Variants in BCL9 observed in about 807,000 individuals in gnomAD.
BCL9 encodes B-cell CLL/lymphoma 9 protein.
A neutral mutation model predicts 88.5 loss-of-function variants in BCL9; 25 were observed. The observed-to-expected ratio is 0.28, with a 90% CI of 0.21 to 0.39. BCL9 has a LOEUF of 0.39. Ranked by LOEUF, BCL9 falls within the 10% of genes least tolerant of loss-of-function variation. The pLI is 1.00. For missense variants in BCL9, 1,817 were observed against 1,877.8 expected, an observed-to-expected ratio of 0.97 and a Z score of 0.60; for synonymous variants, 711 against 673.3, an observed-to-expected ratio of 1.06 and a Z score of -0.87.
Position 147,560,859 on chromosome 1 carries a change from A to T in BCL9, c.-478+19185A>T, listed in dbSNP as rs148971293. ...TAATTAATAATAGATGGTTTACAAT[A>T]TATTAACAATATATGTAATTTAAAT... On this transcript the variant is annotated intron_variant, in intron 1 of 9. Transcript: ENST00000234739. Among the ~76,000 whole-genome samples, 106 of 152,362 alleles carry T rather than the reference A, an allele frequency of 7.0e-4. No individual in the cohort carries two copies. In the East Asian group the frequency reaches 9.6e-3, roughly 14 times the overall value.
chr1:147,580,991 A>G (rs1461307470), intron 1 of BCL9, among the ~76,000 whole-genome samples: 6 of 152,182 alleles, frequency 3.9e-5, no homozygotes, highest in African/African-American at 1.2e-4. Context: ...GTGTTTGATG[A>G]TAACACTGGT....
intron 1 of BCL9, among the ~76,000 whole-genome samples, chr1:147,580,830 C>G (rs1411945048): frequency 1.3e-5 from 2 of 152,130 alleles, no homozygotes; most frequent in African/African-American, 4.8e-5. Flanking sequence ...AATTGAGGAC[C>G]TACTATGTGC....
chr1:147,575,512 C>A (rs921547324), intron 1 of BCL9, among the ~76,000 whole-genome samples: 5 of 152,116 alleles, frequency 3.3e-5, no homozygotes, highest in Admixed American at 2.0e-4. Flanking sequence ...ATGATTTGAA[C>A]CCAACTCTGT....
At chr1:147,612,778 A>T in intron 4 of BCL9, 105 bp from the exon 5 acceptor site, 1 of 1,120,916 alleles carries the variant, frequency 8.9e-7, no homozygotes, top group Non-Finnish European at 1.3e-6. Flanking sequence ...TGGTTATTTT[A>T]GTCCTAAGGG....
rs587706745 is a variant in BCL9 at position 147,615,929 on chromosome 1, G to A, written c.660+27G>A. 6.3e-5 allele frequency: 100 copies of A among 1,578,152 alleles called. No homozygotes were observed. In the East Asian group the frequency reaches 2.1e-3, roughly 34 times the overall value. The stretch of plus-strand genomic sequence containing the variant: ...TATGTTGTTTCAGAAACTGAGTAAT[G>A]GTTTAATGATTCTACAGTGACTGCA... On this transcript the variant is annotated intron_variant, in intron 7 of 9. Transcript: ENST00000234739.
At position 147,556,442 on chromosome 1, in the gene BCL9, A is replaced by ATTATTT. The variant is rs587653044; in HGVS notation, c.-478+14789_-478+14794dup. On this transcript the variant is annotated intron_variant, in intron 1 of 9. Transcript: ENST00000234739. The stretch of plus-strand genomic sequence containing the variant: ...CCCAGCCTCATTTATTTATTTATTT[A>ATTATTT]TTATTTTTATTTTTATTTTTATTTT... 1.4e-4 allele frequency among the ~76,000 whole-genome samples: 21 copies of ATTATTT among 150,658 alleles called. 1 individual carries two copies. Among genetic ancestry groups the ATTATTT allele is most frequent in the Admixed American group, 1.3e-4 (2 of 15,130 alleles).
chr1:147,601,758 CA>C (rs1553201318), intron 1 of BCL9, among the ~76,000 whole-genome samples: 1 of 152,076 alleles, frequency 6.6e-6, no homozygotes, highest in East Asian at 1.9e-4. Flanking sequence ...GAAAAACACC[CA>C]AACTATTAAA....
chr1:147,583,364 A>C (rs916407281), intron 1 of BCL9, among the ~76,000 whole-genome samples: 1 of 151,642 alleles, frequency 6.6e-6, no homozygotes, highest in East Asian at 2.0e-4. Context: ...TGCAACCTCC[A>C]CCTCCCAGGT....
rs587601183 is a variant in BCL9 at position 147,595,617 on chromosome 1, A to G, written c.-477-9160A>G. 1.4e-4 allele frequency among the ~76,000 whole-genome samples: 21 copies of G among 152,304 alleles called. No homozygotes were observed. The South Asian group carries it at 4.3e-3, about 32-fold the overall frequency. ...ATAATACTAACCCTTTGGTAGGCCAAGGTAGGAGGATTGCTTGAGGCTAGG... is the reference window on the plus strand; with the variant it reads ...ATAATACTAACCCTTTGGTAGGCCAGGGTAGGAGGATTGCTTGAGGCTAGG... On this transcript the variant is annotated intron_variant, in intron 1 of 9. Coordinates refer to ENST00000234739, the MANE Select transcript of BCL9 (RefSeq NM_004326.4).
In BCL9 at chr1:147,619,912, G is replaced by T. The variant is rs1553204823; in HGVS notation, c.1757G>T (p.Gly586Val). 1 of 1,614,218 alleles carries T rather than the reference G, an allele frequency of 6.2e-7. No individual in the cohort carries two copies. The highest frequency in any genetic ancestry group is 1.7e-5 in the Admixed American group (1 of 60,028). The stretch of plus-strand genomic sequence containing the variant: ...GTCCCCAACCCTGCATCTAGACCAG[G>T]TCTTTCTGGAGTCAGTTGGCCAGAT... The part of the protein sequence containing the change: ...PNVPNPASRP[G>V]LSGVSWPDDV... The change falls in exon 8 of 10, where the codon GGT becomes GTT. Residue 586 changes from glycine (G) to valine (V), a missense_variant. Gly to Val is a moderately radical substitution (Grantham distance 109, BLOSUM62 -3). Coordinates refer to ENST00000234739, the MANE Select transcript of BCL9 (RefSeq NM_004326.4). The surrounding 1 kb of genome is among the most constrained non-coding windows in gnomAD (Gnocchi z 4.1).
chr1:147,600,458 G>A (rs1162630649), intron 1 of BCL9: 1 of 151,860 alleles, frequency 6.6e-6, no homozygotes, highest in Non-Finnish European at 1.5e-5. Flanking sequence ...CGCGAAGAGC[G>A]GGGTGGAGGG....
intron 1 of BCL9, among the ~76,000 whole-genome samples, chr1:147,597,655 G>C (rs1553200628): frequency 6.6e-6 from 1 of 152,046 alleles, no homozygotes; most frequent in Non-Finnish European, 1.5e-5. Flanking sequence ...AAAATTCAGA[G>C]GGCAAAAATT....
Position 147,619,221 on chromosome 1 carries a change from C to T in BCL9, c.1066C>T (p.Leu356=). The T allele has an allele frequency of 6.2e-7, 1 of 1,614,138 alleles. No individual in the cohort carries two copies. Among genetic ancestry groups the T allele is most frequent in the East Asian group, 2.2e-5 (1 of 44,874 alleles). The change falls in exon 8 of 10, where the codon CTG becomes TTG. Residue 356 remains leucine, a synonymous_variant. Coordinates refer to ENST00000234739, the MANE Select transcript of BCL9 (RefSeq NM_004326.4). The surrounding 1 kb of genome is among the most constrained non-coding windows in gnomAD (Gnocchi z 4.1). ...ENPDGLSQEQ[L]EHRERSLQTL... ...TCCCGATGGCCTATCTCAGGAGCAG[C>T]TGGAGCACCGGGAGCGCTCCTTACA...
At chr1:147,583,216 AT>A (rs1656446427) in intron 1 of BCL9, among the ~76,000 whole-genome samples, 2 of 152,114 alleles carry the variant, frequency 1.3e-5, no homozygotes, top group Non-Finnish European at 2.9e-5. Flanking sequence ...TGTTGAAATC[AT>A]AGTTGTTGGA....
In BCL9 at chr1:147,620,818, C is replaced by T; in HGVS notation, c.2663C>T (p.Thr888Ile). 2 of 1,614,196 alleles carry T rather than the reference C, an allele frequency of 1.2e-6. No homozygotes were observed. The highest frequency in any genetic ancestry group is 8.5e-7 in the Non-Finnish European group (1 of 1,180,046). Residue 888 changes from threonine (T) to isoleucine (I), a missense_variant, in exon 8 of 10, where the codon ACT becomes ATT. By Grantham distance (89) the Thr-to-Ile change is moderately conservative. Coordinates refer to ENST00000234739, the MANE Select transcript of BCL9 (RefSeq NM_004326.4). ...SPSGNLKSPQ[T>I]PSQLAGMLAG... is the part of the protein sequence containing the mutation. ...TCGGGGAACCTCAAGTCCCCCCAGA[C>T]TCCATCGCAGCTGGCAGGCATGCTG...
chr1:147,599,523 G>A (rs1025854156), intron 1 of BCL9, among the ~76,000 whole-genome samples: 1 of 151,638 alleles, frequency 6.6e-6, no homozygotes. Context: ...AGGACTGCGC[G>A]AGGCGGCGGG....
intron 1 of BCL9, among the ~76,000 whole-genome samples, chr1:147,543,116 C>G (rs1654407023): frequency 6.6e-6 from 1 of 152,174 alleles, no homozygotes; most frequent in Non-Finnish European, 1.5e-5. Flanking sequence ...TAACATTCAT[C>G]TTAACAATTT....
At chr1:147,599,496 C>CT (rs1355266902) in intron 1 of BCL9, among the ~76,000 whole-genome samples, 3 of 132,242 alleles carry the variant, frequency 2.3e-5, no homozygotes, top group African/African-American at 1.3e-4. Flanking sequence ...GGCCCCCCGC[C>CT]CCCCTCGGTT....
chr1:147,549,775 G>A (rs1654801526), intron 1 of BCL9, among the ~76,000 whole-genome samples: 1 of 152,184 alleles, frequency 6.6e-6, no homozygotes, highest in Non-Finnish European at 1.5e-5. Flanking sequence ...TGCTGAGGCA[G>A]CTCTGGGGAC....
Sources: gnomAD v4.1 joint callset for allele counts (sites outside exome capture counted in the v4.1 genomes callset) on GRCh38, gnomAD v4.1.1 for gene constraint, Gnocchi (gnomAD v3.1) non-coding constraint, MANE v1.5 for transcripts, NCBI Gene and HGNC (gene_info 2026-07-23, HGNC 2026-07-21) for gene names.